The following RNF212B variants were observed in gnomAD, a reference collection of about 807,000 sequenced individuals.
RNF212B encodes E3 ubiquitin-protein ligase RNF212B.
RNF212B carries 52 observed loss-of-function variants against 55.5 expected under a neutral mutation model. The ratio of observed to expected loss-of-function variants is 0.94; its 90% confidence interval spans 0.75 to 1.18. The LOEUF is 1.18. Ranked by LOEUF, RNF212B falls within the 50% of genes most tolerant of loss-of-function variation. The pLI is 0.00. For missense variants in RNF212B, 289 were observed against 350.4 expected (o/e 0.82, Z 1.40); for synonymous variants, 99 against 121.4 (o/e 0.82, Z 1.21).
chr14:23,213,275 T>C (rs1045195839), intron 2 of RNF212B, among the ~76,000 whole-genome samples: 30 of 150,680 alleles, frequency 2.0e-4, no homozygotes, highest in African/African-American at 6.6e-4. Flanking sequence ...ATCGCACCAC[T>C]GCACTCCAGC....
At chr14:23,191,561 C>A (rs1878126842) in intron 1 of RNF212B, among the ~76,000 whole-genome samples, 1 of 151,802 alleles carries the variant, frequency 6.6e-6, no homozygotes, top group East Asian at 1.9e-4. Context: ...AAAGTTTTAT[C>A]TTTTAGATAT....
chr14:23,258,458 A>T, intron 4 of RNF212B, 91 bp from the exon 5 acceptor site: 1 of 585,240 alleles, frequency 1.7e-6, no homozygotes, highest in Non-Finnish European at 3.0e-6. Flanking sequence ...GCAGTATAAT[A>T]AAGTGTGATT....
At chr14:23,188,644 A>T (rs962771777) in intron 1 of RNF212B, among the ~76,000 whole-genome samples, 1 of 152,086 alleles carries the variant, frequency 6.6e-6, no homozygotes, top group South Asian at 2.1e-4. Flanking sequence ...TTTTTAAAAA[A>T]TTTTTAGTAA....
rs1882308878 is a variant in RNF212B, at chr14:23,229,220, T to TATATA, written c.-1-11125_-1-11124insATATA. On this transcript the variant is annotated intron_variant, in intron 2 of 15. Coordinates refer to the RNF212B transcript ENST00000399910. ...ATTTCCTTTATGGCTGAATAATATT[T>TATATA]TATATATATATATATATATATATAT... Among the ~76,000 whole-genome samples the TATATA allele has an allele frequency of 7.7e-5, 5 of 65,044 alleles. No individual in the cohort carries two copies. In the East Asian group the frequency reaches 3.4e-3, roughly 44 times the overall value. 42.7% of individuals were successfully genotyped at this position (65,044 alleles called of 152,430 possible).
intron 11 of RNF212B, among the ~76,000 whole-genome samples, chr14:23,268,567 A>G (rs1885855370): frequency 6.7e-6 from 1 of 148,416 alleles, no homozygotes; most frequent in African/African-American, 2.6e-5. Context: ...TTGCTCTGCC[A>G]TTTTTGTTGA....
chr14:23,216,898 A>AAAAAAAAAAAAAC (rs1566403912), intron 2 of RNF212B, among the ~76,000 whole-genome samples: 1 of 151,278 alleles, frequency 6.6e-6, no homozygotes, highest in Non-Finnish European at 1.5e-5. Flanking sequence ...AAAAAAAAAA[A>AAAAAAAAAAAAAC]AAAAAAGACC....
At chr14:23,200,494 T>C (rs1173561239) in intron 2 of RNF212B, among the ~76,000 whole-genome samples, 1 of 152,064 alleles carries the variant, frequency 6.6e-6, no homozygotes, top group African/African-American at 2.4e-5. Context: ...TCTGGCTAAT[T>C]TTTGTAATTT....
At chr14:23,229,345 T>C (rs550449418) in intron 2 of RNF212B, among the ~76,000 whole-genome samples, 6 of 149,532 alleles carry the variant, frequency 4.0e-5, no homozygotes, top group Non-Finnish European at 7.4e-5. Context: ...CTGGTAGGAA[T>C]ATTGGTGTAC....
intron 11 of RNF212B, among the ~76,000 whole-genome samples, chr14:23,265,011 G>A (rs1252013556): frequency 6.6e-6 from 1 of 151,966 alleles, no homozygotes; most frequent in Non-Finnish European, 1.5e-5. Context: ...AGTAGAGACG[G>A]GGTTTCATCG....
At chr14:23,272,773 C>T (rs757239623) in intron 14 of RNF212B, 50 bp from the exon 15 acceptor site, 1 of 1,230,164 alleles carries the variant, frequency 8.1e-7, no homozygotes, top group Non-Finnish European at 1.2e-6. Flanking sequence ...CTTGCTTGCC[C>T]TTTTTGCTGT....
chr14:23,263,087 T>TA (rs1361331571), intron 9 of RNF212B, 117 bp downstream of exon 9: 2 of 912,852 alleles, frequency 2.2e-6, no homozygotes, highest in African/African-American at 3.8e-5. Context: ...AGTTTAAAGC[T>TA]AGGGTTTTTT....
intron 2 of RNF212B, among the ~76,000 whole-genome samples, chr14:23,206,604 C>T (rs1321562483): frequency 6.6e-6 from 1 of 152,088 alleles, no homozygotes; most frequent in Non-Finnish European, 1.5e-5. Flanking sequence ...TAACCTGTTT[C>T]ACAAACCTAG....
intron 4 of RNF212B, among the ~76,000 whole-genome samples, chr14:23,253,568 T>C (rs1313302835): frequency 2.6e-5 from 4 of 152,200 alleles, no homozygotes; most frequent in African/African-American, 9.6e-5. Flanking sequence ...ATTCTAGTGT[T>C]GTATTCCACC....
Position 23,240,329 on chromosome 14 carries a change from T to C in RNF212B, c.-1-16T>C. The C allele has an allele frequency of 2.0e-6, 3 of 1,510,160 alleles. No homozygotes were observed. Among genetic ancestry groups the C allele is most frequent in the East Asian group, 4.9e-5 (2 of 40,708 alleles). The allele number at this position is 1,510,160 out of a possible 1,614,324, so 93.5% of individuals were successfully genotyped here. On this transcript the variant is annotated splice_polypyrimidine_tract_variant and intron_variant, in intron 1 of 14. Transcript: ENST00000430154. The stretch of plus-strand genomic sequence containing the variant: ...TTCTCTAGGTTATTCTTACTCTTTC[T>C]CTTTATCTGCTCCAGAATGGATTGG...
intron 2 of RNF212B, among the ~76,000 whole-genome samples, chr14:23,198,564 C>T (rs1361272700): frequency 6.6e-6 from 1 of 151,656 alleles, no homozygotes; most frequent in African/African-American, 2.4e-5. Context: ...TAATCCCAGC[C>T]ACTAGGGAAG....
intron 4 of RNF212B, among the ~76,000 whole-genome samples, chr14:23,246,456 T>TA (rs2140445841): frequency 6.6e-6 from 1 of 152,320 alleles, no homozygotes; most frequent in South Asian, 2.1e-4. Context: ...CTCGGCCTGC[T>TA]AACTTATAGC....
At chr14:23,228,839 A>C (rs35175826) in intron 2 of RNF212B, among the ~76,000 whole-genome samples, 26,409 of 152,044 alleles carry the variant, frequency 0.17, 2,313 homozygotes, top group Non-Finnish European at 0.18. Context: ...TATGTATAGA[A>C]CACTGATTTT....
intron 1 of RNF212B, 58 bp from the exon 2 acceptor site, chr14:23,240,287 C>A (rs555484994): frequency 8.6e-7 from 1 of 1,159,332 alleles, no homozygotes; most frequent in Non-Finnish European, 1.2e-6. Context: ...GATTTTGGAA[C>A]AGCTATAATT....
chr14:23,213,382 C>A (rs977148153), intron 2 of RNF212B, among the ~76,000 whole-genome samples: 2 of 151,948 alleles, frequency 1.3e-5, no homozygotes, highest in African/African-American at 4.8e-5. Flanking sequence ...AAGAGATATA[C>A]TTTGTTCATG....
Sources: gnomAD v4.1 joint callset for allele counts (sites outside exome capture counted in the v4.1 genomes callset) on GRCh38, gnomAD v4.1.1 for gene constraint, MANE v1.5 for transcripts, NCBI Gene and HGNC (gene_info 2026-07-23, HGNC 2026-07-21) for gene names.